CNTNAP2: variants seen among roughly 807,000 people sequenced by gnomAD.
CNTNAP2 encodes contactin associated protein 2.
In CNTNAP2, 98 loss-of-function variants were observed where a neutral mutation model predicts 155.2. The ratio of observed to expected loss-of-function variants is 0.63; its 90% CI spans 0.54 to 0.75. CNTNAP2 has a LOEUF of 0.75. CNTNAP2 is among the 30% of genes least tolerant of loss of function. CNTNAP2 has a pLI of 0.00. For synonymous variants in CNTNAP2, 651 were observed against 631.2 expected (o/e 1.03, Z -0.47); for missense variants, 1,727 against 1,688.1 (o/e 1.02, Z -0.40).
chr7:146,622,977 AAAAAAG>A (rs67441949), intron 1 of CNTNAP2, among the ~76,000 whole-genome samples: 1 of 148,930 alleles, frequency 6.7e-6, no homozygotes, highest in African/African-American at 2.5e-5. Flanking sequence ...AAGAAAAAAG[AAAAAAG>A]AAAAAAAAAA....
At chr7:147,810,584 T>C (rs1798163363) in intron 13 of CNTNAP2, among the ~76,000 whole-genome samples, 1 of 152,222 alleles carries the variant, frequency 6.6e-6, no homozygotes, top group Non-Finnish European at 1.5e-5. Context: ...GCATACTTGC[T>C]GATTCAATAC....
intron 21 of CNTNAP2, among the ~76,000 whole-genome samples, chr7:148,302,161 G>A (rs906765574): frequency 2.0e-5 from 3 of 152,224 alleles, no homozygotes; most frequent in African/African-American, 7.2e-5. Context: ...TTTCTTAGTG[G>A]TGGTGGCTCA....
intron 1 of CNTNAP2, among the ~76,000 whole-genome samples, chr7:146,307,012 A>T (rs570769176): frequency 6.6e-6 from 1 of 152,186 alleles, no homozygotes; most frequent in Non-Finnish European, 1.5e-5. Context: ...AATAAAGGGT[A>T]TTCATTTAGG....
At chr7:146,981,676 A>T (rs1007669046) in intron 3 of CNTNAP2, among the ~76,000 whole-genome samples, 2 of 152,208 alleles carry the variant, frequency 1.3e-5, no homozygotes, top group Non-Finnish European at 2.9e-5. Flanking sequence ...ATTTCAGAAG[A>T]GGTCACAGGG....
rs185424404 is a variant in CNTNAP2 at position 147,171,767 on chromosome 7, T to C, written c.1348+39258T>C. On this transcript the variant is annotated intron_variant, in intron 8 of 23. Transcript: ENST00000361727. Reference sequence around the variant, plus strand: ...ATAAGAAGTTTCGAGCTTGGAATAATTCATGTGAGCTAACTAGTTTCTGAT... The same window carrying C: ...ATAAGAAGTTTCGAGCTTGGAATAACTCATGTGAGCTAACTAGTTTCTGAT... Among the ~76,000 whole-genome samples the C allele has an allele frequency of 6.8e-4, 103 of 152,278 alleles. 1 individual carries two copies. The East Asian group carries it at 0.02, about 29-fold the overall frequency.
rs1178407767 is a variant in CNTNAP2, at chr7:146,483,282, A to AAAATAT, written c.98-290988_98-290987insAATATA. 5.5e-3 allele frequency among the ~76,000 whole-genome samples: 220 copies of AAAATAT among 39,766 alleles called. 4 individuals carry two copies. Among genetic ancestry groups the AAAATAT allele is most frequent in the Non-Finnish European group, 9.0e-3 (179 of 19,882 alleles). 26.1% of individuals were successfully genotyped at this position (39,766 alleles called of 152,430 possible). A position where few individuals can be genotyped will look rare whatever the true frequency, so the allele number is the denominator to read the frequency against. On this transcript the variant is annotated intron_variant, in intron 1 of 23. Coordinates refer to ENST00000361727, the MANE Select transcript of CNTNAP2 (RefSeq NM_014141.6). ...CAGAGCAAGACTCCGTCTAAAAAAA[A>AAAATAT]ATATATATATATATATATATATATA...
intron 1 of CNTNAP2, among the ~76,000 whole-genome samples, chr7:146,462,336 A>T (rs967576747): frequency 4.6e-5 from 7 of 152,198 alleles, no homozygotes; most frequent in Non-Finnish European, 1.0e-4. Context: ...CTGAATGAGA[A>T]TTAGTATGTT....
chr7:147,604,998 T>C (rs1284822917), intron 12 of CNTNAP2, among the ~76,000 whole-genome samples: 2 of 152,174 alleles, frequency 1.3e-5, no homozygotes, highest in Non-Finnish European at 2.9e-5. Flanking sequence ...GAAAATGACC[T>C]AGCCCATTTT....
rs144588274 is a variant in CNTNAP2, at chr7:146,399,725, A to G, written c.97+282752A>G. 8.7e-4 allele frequency among the ~76,000 whole-genome samples: 132 copies of G among 152,148 alleles called. 1 individual carries two copies. The highest frequency in any genetic ancestry group is 3.1e-3 in the African/African-American group (130 of 41,516). On this transcript the variant is annotated intron_variant, in intron 1 of 23. Transcript: ENST00000361727. Reference sequence around the variant, plus strand: ...TGTACCATATGGTAGTTCTATTTTTAATTTTTTATGACTCCATATTGTTTA... The same window carrying G: ...TGTACCATATGGTAGTTCTATTTTTGATTTTTTATGACTCCATATTGTTTA...
intron 12 of CNTNAP2, among the ~76,000 whole-genome samples, chr7:147,620,002 T>G (rs1350233000): frequency 6.6e-6 from 1 of 152,120 alleles, no homozygotes; most frequent in Non-Finnish European, 1.5e-5. Context: ...TCTATTTGTG[T>G]GGGAGGAAGA....
chr7:148,314,461 T>A (rs1797649951), intron 21 of CNTNAP2, among the ~76,000 whole-genome samples: 1 of 151,916 alleles, frequency 6.6e-6, no homozygotes, highest in Non-Finnish European at 1.5e-5. Context: ...TTAGGTCAGG[T>A]GTGAGTTGAA....
chr7:147,681,916 G>A (rs551293521), intron 13 of CNTNAP2, among the ~76,000 whole-genome samples: 1 of 151,970 alleles, frequency 6.6e-6, no homozygotes, highest in East Asian at 1.9e-4. Context: ...TGTCACCCAT[G>A]GATAAAGGGG....
chr7:147,075,790 C>T (rs535809642), intron 4 of CNTNAP2, among the ~76,000 whole-genome samples: 3 of 152,178 alleles, frequency 2.0e-5, no homozygotes, highest in Admixed American at 2.0e-4. Flanking sequence ...CTTCCCCCTA[C>T]CCCACGATAG....
At position 147,738,291 on chromosome 7, in the gene CNTNAP2, G is replaced by A. The variant is rs192960206; in HGVS notation, c.2098+98985G>A. On this transcript the variant is annotated intron_variant, in intron 13 of 23. Transcript: ENST00000361727. ...AATAAAGCAACAACGGGATTTGAGA[G>A]GACTGACTCCAATTTTGAAAGAAGT... is the stretch of plus-strand genomic sequence containing the variant. Among the ~76,000 whole-genome samples, 13 of 152,266 alleles carry A rather than the reference G, an allele frequency of 8.5e-5. No homozygotes were observed. The East Asian group carries it at 1.9e-3, about 23-fold the overall frequency.
At chr7:147,240,458 C>T (rs930080857) in intron 8 of CNTNAP2, among the ~76,000 whole-genome samples, 1 of 152,186 alleles carries the variant, frequency 6.6e-6, no homozygotes. Context: ...CATAATAAAA[C>T]AAAACAACTT....
chr7:147,654,603 T>C (rs1795497065), intron 13 of CNTNAP2, among the ~76,000 whole-genome samples: 1 of 152,166 alleles, frequency 6.6e-6, no homozygotes, highest in Non-Finnish European at 1.5e-5. Flanking sequence ...TCCACTGAAG[T>C]TTTGAACCTC....
intron 1 of CNTNAP2, among the ~76,000 whole-genome samples, chr7:146,542,598 C>A (rs969029744): frequency 1.2e-4 from 17 of 142,066 alleles, no homozygotes; most frequent in African/African-American, 4.9e-4. Context: ...CTTTAGAGAC[C>A]CCCCCTTACT....
chr7:148,381,780 T>C (rs1459882669), intron 21 of CNTNAP2, among the ~76,000 whole-genome samples: 1 of 152,206 alleles, frequency 6.6e-6, no homozygotes, highest in Non-Finnish European at 1.5e-5. Flanking sequence ...GCCACCTTTC[T>C]CTACCATTGT....
intron 1 of CNTNAP2, among the ~76,000 whole-genome samples, chr7:146,476,743 TACA>T (rs1216102900): frequency 2.0e-5 from 3 of 152,162 alleles, no homozygotes; most frequent in East Asian, 3.8e-4. Flanking sequence ...GACAAGTAGA[TACA>T]ACAATAGTTT....
Sources: allele counts gnomAD v4.1 joint callset (sites outside exome capture counted in the v4.1 genomes callset), GRCh38; gene constraint gnomAD v4.1.1; transcripts MANE v1.5; gene names NCBI Gene and HGNC (gene_info 2026-07-23, HGNC 2026-07-21).